The following KAZN variants were observed in gnomAD, a reference collection of about 807,000 sequenced individuals.
KAZN encodes the protein kazrin.
In KAZN, 40 loss-of-function variants were observed where a neutral mutation model predicts 87.4. That is an observed-to-expected ratio of 0.46 (90% CI 0.36 to 0.60). The LOEUF is 0.60. KAZN is among the 20% of genes least tolerant of loss of function. KAZN has a pLI of 0.00. For synonymous variants in KAZN, 466 were observed against 458.3 expected, an observed-to-expected ratio of 1.02 and a Z score of -0.22; for missense variants, 898 against 1,073.9, an observed-to-expected ratio of 0.84 and a Z score of 2.29.
At chr1:14,960,557 C>A in intron 1 of KAZN, 127 bp from the exon 2 acceptor site, 1 of 958,106 alleles carries the variant, frequency 1.0e-6, no homozygotes, top group Non-Finnish European at 1.5e-6. Context: ...CCTCCCTTCA[C>A]ACATGTAGGA....
At chr1:14,935,564 T>C (rs976040667) in intron 1 of KAZN, among the ~76,000 whole-genome samples, 3 of 152,194 alleles carry the variant, frequency 2.0e-5, no homozygotes, top group Non-Finnish European at 4.4e-5. Flanking sequence ...GGGCCCAGTC[T>C]GGGTGTTAAC....
chr1:15,110,488 TGTATGTA>T (rs1641541291), intron 13 of KAZN, among the ~76,000 whole-genome samples: 1 of 41,026 alleles, frequency 2.4e-5, no homozygotes, highest in African/African-American at 1.0e-4. Flanking sequence ...TATTTGTGTG[TGTATGTA>T]TGTGTGTGTA....
chr1:14,201,854 GAC>G (rs1362424073), intron 2 of KAZN, among the ~76,000 whole-genome samples: 1 of 152,160 alleles, frequency 6.6e-6, no homozygotes, highest in Non-Finnish European at 1.5e-5. Flanking sequence ...TTTTAGTAGA[GAC>G]AGGGTTTCTC....
rs996487135 is a variant in KAZN at position 14,542,959 on chromosome 1, A to T, written c.250-56024A>T. On this transcript the variant is annotated intron_variant, in intron 2 of 16. Transcript: ENST00000636203. ...AGCCCTGCTCTTGGGTATGGAAAAG[A>T]TGGAAGGAATGGGAAAGGAAAATAG... Among the ~76,000 whole-genome samples the T allele has an allele frequency of 3.9e-5, 5 of 127,676 alleles. 1 individual carries two copies. The Admixed American group carries it at 4.5e-4, about 11-fold the overall frequency. The allele number at this position is 127,676 out of a possible 152,430, so 83.8% of individuals were successfully genotyped here. A position where few individuals can be genotyped will look rare whatever the true frequency, so the allele number is the denominator to read the frequency against.
intron 1 of KAZN, among the ~76,000 whole-genome samples, chr1:14,741,118 T>C (rs1644086502): frequency 6.6e-6 from 1 of 152,248 alleles, no homozygotes; most frequent in Non-Finnish European, 1.5e-5. Context: ...TGTCCCAAGT[T>C]GCTGGAGCGG....
chr1:14,219,999 A>C (rs903757154), intron 2 of KAZN, among the ~76,000 whole-genome samples: 2 of 152,130 alleles, frequency 1.3e-5, no homozygotes, highest in Non-Finnish European at 2.9e-5. Flanking sequence ...ATTGTTGAGT[A>C]TTGCCTTCTA....
At chr1:14,267,150 T>G (rs1651545992) in intron 2 of KAZN, among the ~76,000 whole-genome samples, 1 of 150,814 alleles carries the variant, frequency 6.6e-6, no homozygotes, top group South Asian at 2.1e-4. Flanking sequence ...ATCTGCTATA[T>G]TTGAAAATAA....
intron 2 of KAZN, among the ~76,000 whole-genome samples, chr1:14,344,223 ACAGTCACCAT>A (rs1305302950): frequency 1.4e-5 from 2 of 144,902 alleles, no homozygotes; most frequent in Admixed American, 1.4e-4. Context: ...ATGTTCTAAG[ACAGTCACCAT>A]CAGTCACAGA....
intron 2 of KAZN, among the ~76,000 whole-genome samples, chr1:14,225,783 T>C (rs1443807500): frequency 1.3e-5 from 2 of 152,126 alleles, no homozygotes; most frequent in Admixed American, 6.5e-5. Context: ...CAATAAGTGG[T>C]ACTGGAATAA....
At chr1:13,925,506 G>C (rs1640237459) in intron 1 of KAZN, among the ~76,000 whole-genome samples, 1 of 152,138 alleles carries the variant, frequency 6.6e-6, no homozygotes, top group Non-Finnish European at 1.5e-5. Flanking sequence ...GCTCCAGGCA[G>C]ATGGGATGGG....
At chr1:14,250,826 T>C (rs1649960958) in intron 2 of KAZN, among the ~76,000 whole-genome samples, 1 of 151,682 alleles carries the variant, frequency 6.6e-6, no homozygotes, top group Non-Finnish European at 1.5e-5. Context: ...AATTCAGAAA[T>C]ATTTATTAAT....
At chr1:14,991,095 G>A (rs1667309682) in intron 2 of KAZN, among the ~76,000 whole-genome samples, 1 of 151,972 alleles carries the variant, frequency 6.6e-6, no homozygotes, top group Admixed American at 6.6e-5. Flanking sequence ...GCTCGTGCCT[G>A]TAATCCTAGC....
rs555989993 is a variant in KAZN, at chr1:14,274,470, C to G, written c.249+93878C>G. Among the ~76,000 whole-genome samples, 55 of 152,286 alleles carry G rather than the reference C, an allele frequency of 3.6e-4. 2 individuals carry two copies. In the South Asian group the frequency reaches 0.011, roughly 30 times the overall value. On this transcript the variant is annotated intron_variant, in intron 2 of 16. Coordinates refer to the KAZN transcript ENST00000636203. ...GGCAAAATGGTGGTCCTGATTCTGA[C>G]TTTATACCTAAGCATCATCCGGGGA...
intron 1 of KAZN, among the ~76,000 whole-genome samples, chr1:14,795,240 C>T (rs1225378509): frequency 2.0e-5 from 3 of 152,098 alleles, no homozygotes; most frequent in African/African-American, 7.2e-5. Flanking sequence ...ACTTCTGTCC[C>T]TTTAGGACCC....
intron 2 of KAZN, among the ~76,000 whole-genome samples, chr1:14,284,097 G>A (rs147859200): frequency 0.01 from 1,545 of 152,052 alleles, 11 homozygotes; most frequent in Non-Finnish European, 0.016. Context: ...CCTAGGGTGG[G>A]GATGGGAGAT....
intron 1 of KAZN, among the ~76,000 whole-genome samples, chr1:13,934,336 G>A (rs12032655): frequency 0.022 from 3,288 of 152,240 alleles, 121 homozygotes; most frequent in African/African-American, 0.074. Flanking sequence ...GGCACTCCCC[G>A]GGGAAGCGTC....
intron 1 of KAZN, among the ~76,000 whole-genome samples, chr1:14,917,651 G>A (rs1280711549): frequency 6.6e-6 from 1 of 152,088 alleles, no homozygotes. Context: ...GAGAACCTGA[G>A]GATTCCAGGG....
intron 1 of KAZN, among the ~76,000 whole-genome samples, chr1:14,726,707 G>A (rs1029828149): frequency 6.6e-6 from 1 of 152,184 alleles, no homozygotes; most frequent in Non-Finnish European, 1.5e-5. Flanking sequence ...ACCTGTACTT[G>A]TAGTTCTCAA....
At chr1:14,195,509 G>GCACA (rs1272782243) in intron 2 of KAZN, among the ~76,000 whole-genome samples, 1 of 38,230 alleles carries the variant, frequency 2.6e-5, no homozygotes, top group African/African-American at 9.1e-5. Context: ...TACAAAAACG[G>GCACA]CTCACACACA....
Sources: gnomAD v4.1 joint callset for allele counts (sites outside exome capture counted in the v4.1 genomes callset) on GRCh38, gnomAD v4.1.1 for gene constraint, MANE v1.5 for transcripts, NCBI Gene and HGNC (gene_info 2026-07-23, HGNC 2026-07-21) for gene names.